Variants in RNGTT observed in about 807,000 individuals in gnomAD.
The protein encoded by RNGTT is RNA guanylyltransferase and 5'-phosphatase, also known as mRNA-capping enzyme.
A neutral mutation model predicts 79.3 loss-of-function variants in RNGTT; 33 were observed. That is an observed-to-expected ratio of 0.42 (90% CI 0.32 to 0.56). The LOEUF (loss-of-function observed/expected upper bound fraction) is 0.56, where lower values mean the gene tolerates loss of function less well. Among genes scored for constraint, RNGTT ranks in the 20% least tolerant of loss-of-function variants. RNGTT has a pLI of 0.17. For missense variants in RNGTT, 497 were observed against 739.1 expected (o/e 0.67, Z 3.80); for synonymous variants, 222 against 235.9 (o/e 0.94, Z 0.54).
At chr6:88,879,544 A>G (rs187800146) in intron 8 of RNGTT, among the ~76,000 whole-genome samples, 2 of 152,328 alleles carry the variant, frequency 1.3e-5, no homozygotes, top group East Asian at 3.9e-4. Context: ...ATGACCACAC[A>G]TTGAGCACCC....
At chr6:88,650,425 A>T in intron 14 of RNGTT, among the ~76,000 whole-genome samples, 1 of 152,166 alleles carries the variant, frequency 6.6e-6, no homozygotes, top group East Asian at 1.9e-4. Context: ...ATTCTGCTAC[A>T]ATTCTTTTTG....
chr6:88,653,818 T>A (rs1025482347), intron 14 of RNGTT, among the ~76,000 whole-genome samples: 1 of 152,184 alleles, frequency 6.6e-6, no homozygotes, highest in South Asian at 2.1e-4. Context: ...TACCAGCAAC[T>A]GGGCTAAATG....
At chr6:88,754,021 C>A (rs1777925943) in intron 13 of RNGTT, among the ~76,000 whole-genome samples, 1 of 152,044 alleles carries the variant, frequency 6.6e-6, no homozygotes, top group East Asian at 1.9e-4. Flanking sequence ...ACATTCTTGT[C>A]ATAATTTATA....
chr6:88,853,792 A>G, intron 8 of RNGTT, 28 bp from the exon 9 acceptor site: 3 of 1,414,758 alleles, frequency 2.1e-6, no homozygotes, highest in Non-Finnish European at 2.9e-6. Flanking sequence ...AAAAGCTAAT[A>G]TTTACAGTAT....
chr6:88,773,262 T>C lies in RNGTT; in HGVS notation c.1339-3388A>G, dbSNP rs536242555. 1.0e-3 allele frequency among the ~76,000 whole-genome samples: 143 copies of C among 143,460 alleles called. 1 individual carries two copies. The East Asian group carries it at 0.011, about 11-fold the overall frequency. 94.1% of individuals were successfully genotyped at this position (143,460 alleles called of 152,430 possible). A position where few individuals can be genotyped will look rare whatever the true frequency, so the allele number is the denominator to read the frequency against. On this transcript the variant is annotated intron_variant, in intron 12 of 15. Transcript: ENST00000369485. ...GCATATTCTCACTCATAGGTGGGAA[T>C]TGAACAATGAGAACACATGGACACA... is the stretch of plus-strand genomic sequence containing the variant.
intron 13 of RNGTT, among the ~76,000 whole-genome samples, chr6:88,764,118 A>G (rs1778365147): frequency 6.6e-6 from 1 of 152,190 alleles, no homozygotes; most frequent in African/African-American, 2.4e-5. Context: ...CCAATCTTCT[A>G]AATTTTAATA....
intron 12 of RNGTT, among the ~76,000 whole-genome samples, chr6:88,787,273 T>C (rs1779258060): frequency 6.6e-6 from 1 of 152,030 alleles, no homozygotes; most frequent in South Asian, 2.1e-4. Context: ...GTAAACTGGC[T>C]CCAAATCTAA....
At chr6:88,899,900 T>C (rs1783387432) in intron 6 of RNGTT, among the ~76,000 whole-genome samples, 1 of 152,136 alleles carries the variant, frequency 6.6e-6, no homozygotes, top group African/African-American at 2.4e-5. Context: ...ACACTTTCAA[T>C]GAAGATCCTC....
chr6:88,823,750 T>G (rs1293386604), intron 11 of RNGTT, among the ~76,000 whole-genome samples: 2 of 152,158 alleles, frequency 1.3e-5, no homozygotes, highest in African/African-American at 4.8e-5. Context: ...AATAAAATTC[T>G]TTCAACTTTT....
intron 2 of RNGTT, among the ~76,000 whole-genome samples, chr6:88,931,437 C>G (rs79412725): frequency 0.012 from 1,888 of 152,166 alleles, 41 homozygotes; most frequent in African/African-American, 0.042. Context: ...AGGGACTAGG[C>G]AGATAGAGAG....
intron 4 of RNGTT, among the ~76,000 whole-genome samples, chr6:88,920,817 T>C (rs1784140616): frequency 6.6e-6 from 1 of 152,196 alleles, no homozygotes; most frequent in Admixed American, 6.5e-5. Context: ...GAAGAACTGA[T>C]AAGAAAAACT....
chr6:88,807,929 T>C (rs1326145510), intron 11 of RNGTT, among the ~76,000 whole-genome samples: 1 of 152,098 alleles, frequency 6.6e-6, no homozygotes, highest in Non-Finnish European at 1.5e-5. Context: ...ATAGAAACAA[T>C]GTCAATCCAA....
intron 13 of RNGTT, among the ~76,000 whole-genome samples, chr6:88,751,440 A>AT (rs1777835384): frequency 6.6e-6 from 1 of 152,188 alleles, no homozygotes; most frequent in South Asian, 2.1e-4. Context: ...AATATTCTTG[A>AT]TACTAACATA....
intron 9 of RNGTT, among the ~76,000 whole-genome samples, chr6:88,850,404 T>G (rs543482556): frequency 6.6e-6 from 1 of 151,776 alleles, no homozygotes; most frequent in Non-Finnish European, 1.5e-5. Flanking sequence ...TCAAAAAAAA[T>G]GCAGTCTGAC....
intron 14 of RNGTT, among the ~76,000 whole-genome samples, chr6:88,619,540 C>A (rs998171400): frequency 2.6e-5 from 4 of 152,060 alleles, no homozygotes; most frequent in Non-Finnish European, 5.9e-5. Context: ...ACTGCCACAA[C>A]TTATTTTGGT....
chr6:88,876,952 T>A (rs952815176), intron 8 of RNGTT, among the ~76,000 whole-genome samples: 12 of 152,336 alleles, frequency 7.9e-5, no homozygotes, highest in African/African-American at 2.9e-4. Context: ...TCAAAGACAG[T>A]ATCTCTATTA....
intron 13 of RNGTT, among the ~76,000 whole-genome samples, chr6:88,706,299 T>G (rs2127804661): frequency 1.3e-5 from 2 of 152,192 alleles, no homozygotes; most frequent in South Asian, 4.1e-4. Context: ...AGGTGTTGTC[T>G]CTGAGATCAG....
chr6:88,795,915 A>G (rs1779587878), intron 12 of RNGTT, among the ~76,000 whole-genome samples: 1 of 152,166 alleles, frequency 6.6e-6, no homozygotes, highest in Non-Finnish European at 1.5e-5. Context: ...AAAATCTATC[A>G]TTACACAGAG....
intron 13 of RNGTT, among the ~76,000 whole-genome samples, chr6:88,699,157 T>C (rs1775859858): frequency 6.6e-6 from 1 of 152,176 alleles, no homozygotes; most frequent in African/African-American, 2.4e-5. Flanking sequence ...CAGTTTATGG[T>C]CATCACAACC....
Sources: allele counts gnomAD v4.1 joint callset (sites outside exome capture counted in the v4.1 genomes callset), GRCh38; gene constraint gnomAD v4.1.1; transcripts MANE v1.5; gene names NCBI Gene and HGNC (gene_info 2026-07-23, HGNC 2026-07-21).